The following KCNK12 variants were observed in gnomAD, a reference collection of about 807,000 sequenced individuals.
The protein encoded by KCNK12 is potassium two pore domain channel subfamily K member 12, also known as potassium channel subfamily K member 12.
In KCNK12, 6 loss-of-function variants were observed where a neutral mutation model predicts 25.3. That is an observed-to-expected ratio of 0.24 (90% CI 0.13 to 0.47). The LOEUF (loss-of-function observed/expected upper bound fraction) is 0.47. Among genes scored for constraint, KCNK12 ranks in the 20% least tolerant of loss-of-function variants. The pLI, the probability that KCNK12 is intolerant of heterozygous loss-of-function variation, is 0.99. For synonymous variants in KCNK12, 331 were observed against 311.1 expected (o/e 1.06, Z -0.67); for missense variants, 444 against 661.7 (o/e 0.67, Z 3.61).
intron 1 of KCNK12, among the ~76,000 whole-genome samples, chr2:47,549,664 G>C (rs576021172): frequency 6.6e-6 from 1 of 152,128 alleles, no homozygotes; most frequent in Non-Finnish European, 1.5e-5. Context: ...GGCTGGGTGC[G>C]GTGGCTCACG....
chr2:47,512,640 G>T lies in KCNK12; in HGVS notation c.*8267C>A. On this transcript the variant is annotated 3_prime_UTR_variant, in exon 2 of 2. Transcript: ENST00000327876. ...TTCACAATGGCTAAAGTGTGCTAAT[G>T]GGATGATGTGCCCTTGTACACCCAC... The T allele has an allele frequency of 1.8e-6, 1 of 569,910 alleles. No individual in the cohort carries two copies. The highest frequency in any genetic ancestry group is 3.1e-6 in the Non-Finnish European group (1 of 325,526). 35.3% of individuals were successfully genotyped at this position (569,910 alleles called of 1,614,324 possible).
rs574095474 is a variant in KCNK12 at position 47,524,351 on chromosome 2, A to G, written c.392-2543T>C. Among the ~76,000 whole-genome samples the G allele has an allele frequency of 9.2e-5, 14 of 152,376 alleles. No individual in the cohort carries two copies. In the South Asian group the frequency reaches 2.5e-3, roughly 27 times the overall value. Reference sequence around the variant, plus strand: ...CACAACTAAATGATTGTCTATTCATAAAAAGGAAAACTATACAGCAATTAA... The same window carrying G: ...CACAACTAAATGATTGTCTATTCATGAAAAGGAAAACTATACAGCAATTAA... On this transcript the variant is annotated intron_variant, in intron 1 of 1. Transcript: ENST00000327876.
chr2:47,512,624 G>A lies in KCNK12; in HGVS notation c.*8283C>T. 1 of 601,096 alleles carries A rather than the reference G, an allele frequency of 1.7e-6. No homozygotes were observed. The highest frequency in any genetic ancestry group is 2.9e-6 in the Non-Finnish European group (1 of 347,832). The allele number at this position is 601,096 out of a possible 1,614,324, so 37.2% of individuals were successfully genotyped here. ...AGCGCCTTCTGGGAACTTCACAATGGCTAAAGTGTGCTAATGGGATGATGT... is the reference window on the plus strand; with the variant it reads ...AGCGCCTTCTGGGAACTTCACAATGACTAAAGTGTGCTAATGGGATGATGT... On this transcript the variant is annotated 3_prime_UTR_variant, in exon 2 of 2. Transcript: ENST00000327876.
At chr2:47,524,600 T>C (rs542625145) in intron 1 of KCNK12, among the ~76,000 whole-genome samples, 1 of 152,296 alleles carries the variant, frequency 6.6e-6, no homozygotes, top group African/African-American at 2.4e-5. Flanking sequence ...TGGGATTTCC[T>C]CTAGAGCATG....
rs1404898829 is a variant in KCNK12 at position 47,547,490 on chromosome 2, G to A, written c.391+22451C>T. Among the ~76,000 whole-genome samples the A allele has an allele frequency of 6.6e-6, 1 of 152,178 alleles. No individual in the cohort carries two copies. The highest frequency in any genetic ancestry group is 1.5e-5 in the Non-Finnish European group (1 of 68,034). On this transcript the variant is annotated intron_variant, in intron 1 of 1. Coordinates refer to ENST00000327876, the MANE Select transcript of KCNK12 (RefSeq NM_022055.2). The surrounding 1 kb of genome is among the most constrained non-coding windows in gnomAD (Gnocchi z 5.0). Reference sequence around the variant, plus strand: ...GTCTGGCTCTATTGCCCAGGCTGGAGTGCAATGGCACGATCATAGCTCACT... The same window carrying A: ...GTCTGGCTCTATTGCCCAGGCTGGAATGCAATGGCACGATCATAGCTCACT...
Position 47,512,767 on chromosome 2 carries a change from T to TG in KCNK12, c.*8139dup, listed in dbSNP as rs1668435815. On this transcript the variant is annotated 3_prime_UTR_variant, in exon 2 of 2. Coordinates refer to ENST00000327876, the MANE Select transcript of KCNK12 (RefSeq NM_022055.2). ...TTTACCACTGGGAGAGCCTGTTGGT[T>TG]GGGGAGGGCAGGAAGAGGGAGGAAA... 1 of 219,488 alleles carries TG rather than the reference T, an allele frequency of 4.6e-6. No homozygotes were observed. Among genetic ancestry groups the TG allele is most frequent in the African/African-American group, 2.3e-5 (1 of 43,574 alleles). The allele number at this position is 219,488 out of a possible 1,614,324, so 13.6% of individuals were successfully genotyped here. A position where few individuals can be genotyped will look rare whatever the true frequency, so the allele number is the denominator to read the frequency against.
At chr2:47,532,710 A>G (rs78256483) in intron 1 of KCNK12, among the ~76,000 whole-genome samples, 1,802 of 152,308 alleles carry the variant, frequency 0.012, 42 homozygotes, top group African/African-American at 0.041. Context: ...AGCTTTGTGA[A>G]GTGAGCATTG....
Position 47,538,866 on chromosome 2 carries a change from A to G in KCNK12, c.392-17058T>C, listed in dbSNP as rs1382127564. On this transcript the variant is annotated intron_variant, in intron 1 of 1. Transcript: ENST00000327876. This position sits in a 1 kb window ranked among gnomAD's most constrained non-coding sequence, Gnocchi z 4.5. ...TGAGAAAAACCATGACTTTCATTTGATTTTAATGTGAGGGAGAAACATAAA... is the reference window on the plus strand; with the variant it reads ...TGAGAAAAACCATGACTTTCATTTGGTTTTAATGTGAGGGAGAAACATAAA... Among the ~76,000 whole-genome samples, 1 of 152,260 alleles carries G rather than the reference A, an allele frequency of 6.6e-6. No individual in the cohort carries two copies. Among genetic ancestry groups the G allele is most frequent in the Admixed American group, 6.5e-5 (1 of 15,286 alleles).
At chr2:47,558,260 C>T (rs2104874034) in intron 1 of KCNK12, among the ~76,000 whole-genome samples, 1 of 152,360 alleles carries the variant, frequency 6.6e-6, no homozygotes. Flanking sequence ...AGCACACAGT[C>T]ACACAAGTGA....
Position 47,521,017 on chromosome 2 carries a change from C to A in KCNK12, c.1183G>T (p.Gly395Cys). 1 of 1,399,140 alleles carries A rather than the reference C, an allele frequency of 7.1e-7. No homozygotes were observed. Among genetic ancestry groups the A allele is most frequent in the Non-Finnish European group, 9.3e-7 (1 of 1,073,874 alleles). 86.7% of individuals were successfully genotyped at this position (1,399,140 alleles called of 1,614,324 possible). A position where few individuals can be genotyped will look rare whatever the true frequency, so the allele number is the denominator to read the frequency against. ...TTGACGCACACGCTGCGCGGGTAGCCGTTGGCCGTCTCCGACAGCTGCTTC... is the reference window on the plus strand; with the variant it reads ...TTGACGCACACGCTGCGCGGGTAGCAGTTGGCCGTCTCCGACAGCTGCTTC... ...LQKQLSETAN[G>C]YPRSVCVNTR... The change falls in exon 2 of 2, where the codon GGC (glycine) becomes TGC (cysteine). Residue 395 changes from glycine (G) to cysteine (C), a missense_variant. By Grantham distance (159) the Gly-to-Cys change is radical (BLOSUM62 -3). Around this residue, in one of 8 missense-constraint regions of KCNK12, gnomAD observed 57 missense variants for 68.9 expected, o/e 0.83. Coordinates refer to ENST00000327876, the MANE Select transcript of KCNK12 (RefSeq NM_022055.2).
rs1225121333 is a variant in KCNK12 at position 47,570,666 on chromosome 2, G to C, written c.-335C>G. ...CTCCGCAGCTAGGCCCCTGCCGCCCGGTGGCCGGCGTCCGCGGGGCCCCGG... is the reference window on the plus strand; with the variant it reads ...CTCCGCAGCTAGGCCCCTGCCGCCCCGTGGCCGGCGTCCGCGGGGCCCCGG... On this transcript the variant is annotated 5_prime_UTR_variant, in exon 1 of 2. Coordinates refer to ENST00000327876, the MANE Select transcript of KCNK12 (RefSeq NM_022055.2). The C allele has an allele frequency of 6.0e-6, 1 of 166,670 alleles. No individual in the cohort carries two copies. The highest frequency in any genetic ancestry group is 1.3e-5 in the Non-Finnish European group (1 of 77,828). 10.3% of individuals were successfully genotyped at this position (166,670 alleles called of 1,614,324 possible).
rs1392774782 is a variant in KCNK12 at position 47,517,809 on chromosome 2, G to C, written c.*3098C>G. On this transcript the variant is annotated 3_prime_UTR_variant, in exon 2 of 2. Transcript: ENST00000327876. This position sits in a 1 kb window ranked among gnomAD's most constrained non-coding sequence, Gnocchi z 4.1. The stretch of plus-strand genomic sequence containing the variant: ...CTTTCTCCTCAGCTCTGAGAAGGCT[G>C]CTAGCCAAGACTCTGGATTCTCTGT... The C allele has an allele frequency of 1.3e-5, 2 of 152,178 alleles. No homozygotes were observed. The highest frequency in any genetic ancestry group is 2.9e-5 in the Non-Finnish European group (2 of 68,044). The allele number at this position is 152,178 out of a possible 1,614,324, so 9.4% of individuals were successfully genotyped here. A position where few individuals can be genotyped will look rare whatever the true frequency, so the allele number is the denominator to read the frequency against.
Position 47,562,233 on chromosome 2 carries a change from T to G in KCNK12, c.391+7708A>C. The G allele has an allele frequency of 2.5e-6, 1 of 398,168 alleles. No individual in the cohort carries two copies. The allele number at this position is 398,168 out of a possible 1,614,324, so 24.7% of individuals were successfully genotyped here. On this transcript the variant is annotated intron_variant, in intron 1 of 1. Transcript: ENST00000327876. The surrounding 1 kb of genome is among the most constrained non-coding windows in gnomAD (Gnocchi z 4.8). ...AGGCACCTTACAGTTTGAAAAGCAC[T>G]GCTGCATGCTATCCTACCTTCCTGG...
chr2:47,542,220 C>T (rs931100349), intron 1 of KCNK12, among the ~76,000 whole-genome samples: 1 of 152,216 alleles, frequency 6.6e-6, no homozygotes, highest in Non-Finnish European at 1.5e-5. Flanking sequence ...TGACGCAGCT[C>T]TCCTCACTCC....
intron 1 of KCNK12, among the ~76,000 whole-genome samples, chr2:47,545,112 G>T (rs959133912): frequency 6.6e-6 from 1 of 152,224 alleles, no homozygotes; most frequent in African/African-American, 2.4e-5. Flanking sequence ...TCATACACAA[G>T]AGAGGAGATG....
chr2:47,534,293 C>T (rs1669002566), intron 1 of KCNK12, among the ~76,000 whole-genome samples: 1 of 152,036 alleles, frequency 6.6e-6, no homozygotes. Flanking sequence ...AATCATTCAG[C>T]AAAATGAGTT....
chr2:47,530,569 C>T (rs1282804439), intron 1 of KCNK12, among the ~76,000 whole-genome samples: 1 of 152,178 alleles, frequency 6.6e-6, no homozygotes, highest in East Asian at 1.9e-4. Flanking sequence ...TTCCACGCAC[C>T]GTGCCAAGTG....
At position 47,566,170 on chromosome 2, in the gene KCNK12, C is replaced by G. The variant is rs2104901109; in HGVS notation, c.391+3771G>C. ...GAATAATCACAGGCAAAATTTTCCA[C>G]TGGTACCGCACTGTGTAGACACACG... On this transcript the variant is annotated intron_variant, in intron 1 of 1. Transcript: ENST00000327876. The surrounding 1 kb of genome is among the most constrained non-coding windows in gnomAD (Gnocchi z 4.1). 1 of 152,336 alleles carries G rather than the reference C, an allele frequency of 6.6e-6. No individual in the cohort carries two copies. The highest frequency in any genetic ancestry group is 2.4e-5 in the African/African-American group (1 of 41,576). 9.4% of individuals were successfully genotyped at this position (152,336 alleles called of 1,614,324 possible). A position where few individuals can be genotyped will look rare whatever the true frequency, so the allele number is the denominator to read the frequency against.
At chr2:47,521,865 G>C in intron 1 of KCNK12, 57 bp from the exon 2 acceptor site, 1 of 1,443,054 alleles carries the variant, frequency 6.9e-7, no homozygotes, top group Non-Finnish European at 9.1e-7. Flanking sequence ...TCCTCACTGG[G>C]CGAGGGTGGG....
Sources: allele counts gnomAD v4.1 joint callset (sites outside exome capture counted in the v4.1 genomes callset), GRCh38; gene constraint gnomAD v4.1.1; regional missense constraint gnomAD v4.1.1; non-coding constraint Gnocchi (gnomAD v3.1); transcripts MANE v1.5; gene names NCBI Gene and HGNC (gene_info 2026-07-23, HGNC 2026-07-21).